The following HTR4 variants were observed in gnomAD, a reference collection of about 807,000 sequenced individuals.
HTR4 encodes the protein 5-hydroxytryptamine (serotonin) receptor 4, G protein-coupled.
In HTR4, 16 loss-of-function variants were observed where a neutral mutation model predicts 36.8. The observed-to-expected ratio is 0.43, with a 90% CI of 0.29 to 0.66. The LOEUF is 0.66. Ranked by LOEUF, HTR4 falls within the 30% of genes least tolerant of loss-of-function variation. The probability of loss-of-function intolerance (pLI) is 0.13; values close to 1 mark genes in which losing one functional copy is unlikely to be tolerated. For missense variants in HTR4, 438 were observed against 490.9 expected (o/e 0.89, Z 1.02); for synonymous variants, 189 against 185.1 (o/e 1.02, Z -0.17).
intron 5 of HTR4, among the ~76,000 whole-genome samples, chr5:148,467,025 A>G (rs183221545): frequency 6.6e-6 from 1 of 152,310 alleles, no homozygotes; most frequent in East Asian, 1.9e-4. Context: ...GGCTCTAGAT[A>G]ATCATTTGAA....
rs372256082 is a variant in HTR4, at chr5:148,542,485, G to A, written c.353+6183C>T. On this transcript the variant is annotated intron_variant, in intron 4 of 6. Transcript: ENST00000377888. ...TTACAAGTAAACCTGTTTAAAAGAG[G>A]ATCGGAGACTAAGAAACTGTTGGAG... Among the ~76,000 whole-genome samples the A allele has an allele frequency of 1.2e-3, 176 of 152,268 alleles. 3 individuals carry two copies. In the Middle Eastern group the frequency reaches 0.024, roughly 21 times the overall value.
At chr5:148,595,845 A>G (rs1200569318) in intron 2 of HTR4, among the ~76,000 whole-genome samples, 1 of 152,232 alleles carries the variant, frequency 6.6e-6, no homozygotes, top group Non-Finnish European at 1.5e-5. Context: ...AATCCATAAA[A>G]TTTTGGGCCG....
rs147766270 is a variant in HTR4 at position 148,650,522 on chromosome 5, C to A, written c.-48+3540G>T. 2.8e-3 allele frequency among the ~76,000 whole-genome samples: 433 copies of A among 151,964 alleles called. 1 individual carries two copies. Among genetic ancestry groups the A allele is most frequent in the African/African-American group, 0.01 (419 of 41,470 alleles). The stretch of plus-strand genomic sequence containing the variant: ...ATAGCATAAAAAAGTCAACAGCATG[C>A]AGAATGGAGGAATCAAAGGGCAAAC... On this transcript the variant is annotated intron_variant, in intron 1 of 6. Coordinates refer to ENST00000377888, the MANE Select transcript of HTR4 (RefSeq NM_000870.7).
At chr5:148,553,409 A>T (rs1432973956) in intron 2 of HTR4, among the ~76,000 whole-genome samples, 1 of 151,302 alleles carries the variant, frequency 6.6e-6, no homozygotes, top group Non-Finnish European at 1.5e-5. Context: ...GAGGAGCCTT[A>T]AAAAATGCTG....
chr5:148,601,913 C>T (rs1370721045), intron 2 of HTR4, among the ~76,000 whole-genome samples: 1 of 152,104 alleles, frequency 6.6e-6, no homozygotes, highest in Non-Finnish European at 1.5e-5. Flanking sequence ...TGTGATCTCA[C>T]TTCTATATGG....
intron 1 of HTR4, among the ~76,000 whole-genome samples, chr5:148,649,517 C>T (rs1005678346): frequency 1.3e-5 from 2 of 152,104 alleles, no homozygotes; most frequent in Admixed American, 6.5e-5. Context: ...ATTTATCTGG[C>T]AGTAGACAAG....
chr5:148,613,524 T>C (rs1342575352), intron 2 of HTR4, among the ~76,000 whole-genome samples: 13 of 151,122 alleles, frequency 8.6e-5, no homozygotes, highest in South Asian at 4.2e-4. Context: ...ATTGATGGGA[T>C]GTATCTCAAA....
At chr5:148,522,834 C>A (rs538092158) in intron 5 of HTR4, among the ~76,000 whole-genome samples, 19 of 152,190 alleles carry the variant, frequency 1.2e-4, no homozygotes, top group African/African-American at 4.6e-4. Flanking sequence ...CCAAGGTGAT[C>A]ATACATCACC....
At chr5:148,566,197 T>A (rs1760433171) in intron 2 of HTR4, among the ~76,000 whole-genome samples, 1 of 152,160 alleles carries the variant, frequency 6.6e-6, no homozygotes, top group Non-Finnish European at 1.5e-5. Flanking sequence ...ACAAGGGACA[T>A]TTCTCCTAAA....
intron 4 of HTR4, among the ~76,000 whole-genome samples, chr5:148,546,818 T>C (rs912503832): frequency 6.6e-6 from 1 of 152,246 alleles, no homozygotes; most frequent in Non-Finnish European, 1.5e-5. Flanking sequence ...TCCATAGATT[T>C]TCTACTTCCT....
chr5:148,654,477 C>G lies in HTR4; in HGVS notation c.-463G>C, dbSNP rs71582305. 227,195 of 984,976 alleles carry G rather than the reference C, an allele frequency of 0.23. 27,074 individuals are homozygous for G. The highest frequency in any genetic ancestry group is 0.4 in the East Asian group (3,541 of 8,770). The allele number at this position is 984,976 out of a possible 1,614,324, so 61.0% of individuals were successfully genotyped here. A position where few individuals can be genotyped will look rare whatever the true frequency, so the allele number is the denominator to read the frequency against. ...AGAGGCGGGCTGGAGCGATCTCACC[C>G]GTTCCGGGCTGGCCAGCACGCGCCC... On this transcript the variant is annotated 5_prime_UTR_variant, in exon 1 of 7. Transcript: ENST00000377888.
Position 148,509,790 on chromosome 5 carries a change from T to C in HTR4, c.742A>G (p.Thr248Ala). Reference sequence around the variant, plus strand: ...TTGGTCTCTGTCCTCATGCGATGAGTGCTATGCTGGTCTGCCGACTGAGGC... The same window carrying C: ...TTGGTCTCTGTCCTCATGCGATGAGCGCTATGCTGGTCTGCCGACTGAGGC... ...SRPQSADQHSTHRMRTETKAA... is the reference protein window; with the variant it reads ...SRPQSADQHSAHRMRTETKAA... The change falls in exon 6 of 7, where the codon ACT becomes GCT. Residue 248 changes from threonine (T) to alanine (A), a missense_variant. Physicochemically the swap from Thr to Ala is moderately conservative, Grantham distance 58. Coordinates refer to ENST00000377888, the MANE Select transcript of HTR4 (RefSeq NM_000870.7). 6.2e-7 allele frequency: 1 copy of C among 1,613,846 alleles called. No individual in the cohort carries two copies. The highest frequency in any genetic ancestry group is 1.1e-5 in the South Asian group (1 of 91,050).
At chr5:148,529,481 C>G (rs1758447772) in intron 4 of HTR4, among the ~76,000 whole-genome samples, 1 of 152,222 alleles carries the variant, frequency 6.6e-6, no homozygotes, top group African/African-American at 2.4e-5. Context: ...CTTCTCTAGT[C>G]TGCTGCCATG....
intron 5 of HTR4, among the ~76,000 whole-genome samples, chr5:148,522,278 T>A (rs901849133): frequency 6.6e-6 from 1 of 152,158 alleles, no homozygotes; most frequent in Non-Finnish European, 1.5e-5. Flanking sequence ...AAAAATGGAC[T>A]AGTACATCAG....
intron 5 of HTR4, among the ~76,000 whole-genome samples, chr5:148,467,934 C>T (rs986640014): frequency 5.3e-4 from 80 of 152,360 alleles, no homozygotes; most frequent in African/African-American, 1.9e-3. Flanking sequence ...GAGTGTTACA[C>T]ATTTCCCCCA....
chr5:148,614,235 GC>G (rs1252086945), intron 2 of HTR4, among the ~76,000 whole-genome samples: 1 of 152,076 alleles, frequency 6.6e-6, no homozygotes, highest in African/African-American at 2.4e-5. Flanking sequence ...TCAATCCTAA[GC>G]CAAAAGAACA....
chr5:148,546,673 C>T (rs1019996720), intron 4 of HTR4, among the ~76,000 whole-genome samples: 5 of 152,122 alleles, frequency 3.3e-5, no homozygotes, highest in Non-Finnish European at 7.4e-5. Flanking sequence ...TTTTCTTACT[C>T]CTGCTTTTAC....
chr5:148,514,988 T>C (rs960201348), intron 5 of HTR4, among the ~76,000 whole-genome samples: 1 of 152,138 alleles, frequency 6.6e-6, no homozygotes, highest in Admixed American at 6.5e-5. Context: ...GACAACTTTG[T>C]CTTTTAGCAT....
rs1358678397 is a variant in HTR4, at chr5:148,590,186, G to A, written c.27-39924C>T. ...CATACGAGAAACTTCTAACACCCCT[G>A]TAATTGAAAATGGTATTCTTCCTCC... On this transcript the variant is annotated intron_variant, in intron 2 of 6. Transcript: ENST00000377888. 2.7e-5 allele frequency among the ~76,000 whole-genome samples: 4 copies of A among 150,236 alleles called. 1 individual carries two copies. The highest frequency in any genetic ancestry group is 1.5e-5 in the Non-Finnish European group (1 of 67,758).
Sources: allele counts gnomAD v4.1 joint callset (sites outside exome capture counted in the v4.1 genomes callset), GRCh38; gene constraint gnomAD v4.1.1; transcripts MANE v1.5; gene names NCBI Gene and HGNC (gene_info 2026-07-23, HGNC 2026-07-21).